The following RCOR1 variants were observed in gnomAD, a reference collection of about 807,000 sequenced individuals.
RCOR1 encodes the protein REST corepressor.
RCOR1 carries 12 observed loss-of-function variants against 64.0 expected under a neutral mutation model. The ratio of observed to expected loss-of-function variants is 0.19; its 90% CI spans 0.12 to 0.30. RCOR1 has a LOEUF of 0.30. Ranked by LOEUF, RCOR1 falls within the 10% of genes least tolerant of loss-of-function variation. The pLI is 1.00. For missense variants in RCOR1, 502 were observed against 621.2 expected, an observed-to-expected ratio of 0.81 and a Z score of 2.04; for synonymous variants, 279 against 227.2, an observed-to-expected ratio of 1.23 and a Z score of -2.05.
At chr14:102,683,288 A>C (rs1895343631) in intron 3 of RCOR1, among the ~76,000 whole-genome samples, 1 of 152,178 alleles carries the variant, frequency 6.6e-6, no homozygotes, top group Non-Finnish European at 1.5e-5. Context: ...GCTGAGACAC[A>C]CTTGAGCCAG....
chr14:102,599,352 G>A (rs1381534291), intron 2 of RCOR1, among the ~76,000 whole-genome samples: 6 of 151,892 alleles, frequency 4.0e-5, no homozygotes, highest in Non-Finnish European at 5.9e-5. Flanking sequence ...GGCTGGTCTC[G>A]AACTCCTTGG....
intron 2 of RCOR1, among the ~76,000 whole-genome samples, chr14:102,608,413 GTGT>G (rs764367315): frequency 5.9e-5 from 9 of 151,948 alleles, no homozygotes; most frequent in South Asian, 2.1e-4. Flanking sequence ...CTTTTGTTTT[GTGT>G]TGTTGTTTTT....
chr14:102,663,662 A>T (rs1894866673), intron 2 of RCOR1, among the ~76,000 whole-genome samples: 2 of 152,178 alleles, frequency 1.3e-5, no homozygotes, highest in Non-Finnish European at 2.9e-5. Context: ...ATATCAATAC[A>T]GCCTTGCCCA....
chr14:102,678,119 G>A, intron 2 of RCOR1, among the ~76,000 whole-genome samples: 1 of 151,784 alleles, frequency 6.6e-6, no homozygotes, highest in African/African-American at 2.4e-5. Context: ...AGGAGAATCA[G>A]GCAGGGAGGT....
At chr14:102,644,533 C>T (rs1894440012) in intron 2 of RCOR1, among the ~76,000 whole-genome samples, 1 of 152,104 alleles carries the variant, frequency 6.6e-6, no homozygotes, top group South Asian at 2.1e-4. Flanking sequence ...GTGCTCACAC[C>T]CTCTCCCATC....
At chr14:102,612,501 A>C (rs1893651905) in intron 2 of RCOR1, among the ~76,000 whole-genome samples, 1 of 150,826 alleles carries the variant, frequency 6.6e-6, no homozygotes, top group African/African-American at 2.4e-5. Context: ...GCCCGGTCTG[A>C]TTTTTGTATT....
chr14:102,653,276 TGGTGC>T (rs1894629974), intron 2 of RCOR1, among the ~76,000 whole-genome samples: 1 of 152,140 alleles, frequency 6.6e-6, no homozygotes, highest in Non-Finnish European at 1.5e-5. Flanking sequence ...TGGAGTGTAG[TGGTGC>T]AATCTTGCCT....
At chr14:102,644,686 G>C (rs1235913873) in intron 2 of RCOR1, among the ~76,000 whole-genome samples, 1 of 152,174 alleles carries the variant, frequency 6.6e-6, no homozygotes, top group East Asian at 1.9e-4. Flanking sequence ...GAAGGAATCT[G>C]TTGCTTCCTC....
At chr14:102,676,517 A>C (rs1248008055) in intron 2 of RCOR1, among the ~76,000 whole-genome samples, 13 of 5,074 alleles carry the variant, frequency 2.6e-3, no homozygotes, top group African/African-American at 3.2e-3. Context: ...ACCCCCCCCC[A>C]CCTCCCTCCC....
chr14:102,653,923 C>T (rs1894647773), intron 2 of RCOR1, among the ~76,000 whole-genome samples: 1 of 17,218 alleles, frequency 5.8e-5, no homozygotes, highest in Non-Finnish European at 1.1e-4. Flanking sequence ...GTATTTCCTT[C>T]TTTCTTTCTT....
intron 3 of RCOR1, among the ~76,000 whole-genome samples, chr14:102,689,920 T>G (rs1895497994): frequency 6.6e-6 from 1 of 152,182 alleles, no homozygotes; most frequent in Non-Finnish European, 1.5e-5. Context: ...ATTTTTTGTA[T>G]TTTTAGTAGA....
At chr14:102,687,302 G>A (rs1567435983) in intron 3 of RCOR1, among the ~76,000 whole-genome samples, 1 of 152,180 alleles carries the variant, frequency 6.6e-6, no homozygotes, top group Non-Finnish European at 1.5e-5. Context: ...AAGTGTTTAA[G>A]GTCCCATAGC....
intron 2 of RCOR1, chr14:102,650,851 T>C (rs556528400): frequency 7.0e-6 from 2 of 286,970 alleles, no homozygotes; most frequent in Non-Finnish European, 1.0e-5. Context: ...ACTTGAGATA[T>C]TTTAAACTTA....
rs1205873964 is a variant in RCOR1 at position 102,592,991 on chromosome 14, G to A, written c.105G>A (p.Ser35=). The A allele has an allele frequency of 1.7e-6, 2 of 1,166,468 alleles. No homozygotes were observed. Among genetic ancestry groups the A allele is most frequent in the Non-Finnish European group, 2.1e-6 (2 of 946,336 alleles). 72.3% of individuals were successfully genotyped at this position (1,166,468 alleles called of 1,614,324 possible). Residue 35 remains serine, a synonymous_variant, in exon 1 of 12, where the codon TCG becomes TCA. Coordinates refer to ENST00000262241, the MANE Select transcript of RCOR1 (RefSeq NM_015156.4). The part of the protein sequence containing the change: ...ASAAAASAAA[S]AACASPAATA... ...CCGCCGCCGCCTCCGCCGCCGCCTC[G>A]GCCGCCTGCGCCTCGCCAGCCGCCA...
chr14:102,678,046 A>T (rs1240500503), intron 2 of RCOR1, among the ~76,000 whole-genome samples: 3 of 151,698 alleles, frequency 2.0e-5, no homozygotes, highest in South Asian at 4.2e-4. Context: ...CAAAAAAAAA[A>T]ACGAAAACCA....
chr14:102,722,256 TGAA>T lies in RCOR1; in HGVS notation c.1260_1262del (p.Lys421del). The stretch of plus-strand genomic sequence containing the variant: ...ATTGGGAACAAATCAGTGGTACAAG[TGAA>T]AAACTTTTTTGTAAATTATCGACGC... On this transcript the variant is annotated inframe_deletion, in exon 11 of 12. Transcript: ENST00000262241. The T allele has an allele frequency of 6.2e-7, 1 of 1,614,190 alleles. No homozygotes were observed. Among genetic ancestry groups the T allele is most frequent in the Non-Finnish European group, 8.5e-7 (1 of 1,180,030 alleles).
intron 3 of RCOR1, among the ~76,000 whole-genome samples, chr14:102,692,882 C>T (rs913996495): frequency 1.3e-5 from 2 of 151,532 alleles, no homozygotes; most frequent in Non-Finnish European, 2.9e-5. Context: ...TCTCGTGCCT[C>T]AGCCTCCCGA....
At chr14:102,677,243 T>C (rs1595225598) in intron 2 of RCOR1, among the ~76,000 whole-genome samples, 2 of 109,494 alleles carry the variant, frequency 1.8e-5, no homozygotes, top group Non-Finnish European at 3.7e-5. Flanking sequence ...ACGGGGTGGC[T>C]GGCCGGGCAG....
chr14:102,685,137 T>C (rs1048612569), intron 3 of RCOR1, among the ~76,000 whole-genome samples: 3 of 152,176 alleles, frequency 2.0e-5, no homozygotes, highest in African/African-American at 7.2e-5. Flanking sequence ...TTAGGGTTAC[T>C]GAAAGCTTAT....
Sources: allele counts gnomAD v4.1 joint callset (sites outside exome capture counted in the v4.1 genomes callset), GRCh38; gene constraint gnomAD v4.1.1; transcripts MANE v1.5; gene names NCBI Gene and HGNC (gene_info 2026-07-23, HGNC 2026-07-21).